The following TLL2 variants were observed in gnomAD, a reference collection of about 807,000 sequenced individuals.
TLL2 encodes the protein tolloid like 2, also known as tolloid-like protein 2.
In TLL2, 106 loss-of-function variants were observed where a neutral mutation model predicts 123.0. That is an observed-to-expected ratio of 0.86 (90% confidence interval 0.74 to 1.01). The LOEUF is 1.01. Ranked by LOEUF, TLL2 falls within the 50% of genes least tolerant of loss-of-function variation. The probability of loss-of-function intolerance (pLI) is 0.00; values close to 1 mark genes in which losing one functional copy is unlikely to be tolerated. For missense variants in TLL2, 1,332 were observed against 1,336.7 expected, an observed-to-expected ratio of 1.00 and a Z score of 0.06; for synonymous variants, 494 against 516.8, an observed-to-expected ratio of 0.96 and a Z score of 0.60.
chr10:96,490,124 A>G (rs1847397095), intron 1 of TLL2, among the ~76,000 whole-genome samples: 1 of 152,082 alleles, frequency 6.6e-6, no homozygotes, highest in Admixed American at 6.6e-5. Context: ...ATTGGAAAAA[A>G]ATTAAAATAA....
At chr10:96,492,540 C>T (rs1411441606) in intron 1 of TLL2, among the ~76,000 whole-genome samples, 1 of 152,178 alleles carries the variant, frequency 6.6e-6, no homozygotes, top group Non-Finnish European at 1.5e-5. Context: ...AGTAAAATTG[C>T]TTGAACCCAG....
chr10:96,497,730 T>C (rs1847491545), intron 1 of TLL2, among the ~76,000 whole-genome samples: 2 of 152,222 alleles, frequency 1.3e-5, no homozygotes, highest in African/African-American at 2.4e-5. Flanking sequence ...TAACCCTGCA[T>C]CTCTAATTGG....
chr10:96,439,876 G>GT (rs1189121246), intron 3 of TLL2, among the ~76,000 whole-genome samples: 3 of 152,030 alleles, frequency 2.0e-5, no homozygotes, highest in East Asian at 3.9e-4. Flanking sequence ...CCCACACTAT[G>GT]TTTTTTTAAA....
At chr10:96,386,368 A>G (rs1846235108) in intron 14 of TLL2, among the ~76,000 whole-genome samples, 153 bp from the exon 15 acceptor site, 1 of 152,248 alleles carries the variant, frequency 6.6e-6, no homozygotes, top group South Asian at 2.1e-4. Flanking sequence ...GTTCAAAACT[A>G]ATGGTTTCAA....
chr10:96,495,024 C>T (rs1466798685), intron 1 of TLL2, among the ~76,000 whole-genome samples: 2 of 152,200 alleles, frequency 1.3e-5, no homozygotes, highest in Admixed American at 6.5e-5. Flanking sequence ...GATTTCACTA[C>T]ATTTTCTTTT....
intron 2 of TLL2, among the ~76,000 whole-genome samples, chr10:96,450,836 T>C (rs568250917): frequency 3.3e-5 from 5 of 151,872 alleles, no homozygotes; most frequent in Non-Finnish European, 5.9e-5. Flanking sequence ...TTGGGTGTGA[T>C]TGCAAGACAA....
At chr10:96,504,592 C>G (rs1313997291) in intron 1 of TLL2, among the ~76,000 whole-genome samples, 1 of 152,076 alleles carries the variant, frequency 6.6e-6, no homozygotes, top group African/African-American at 2.4e-5. Context: ...CAAAAAGTCT[C>G]TGAGTATAGA....
Position 96,366,621 on chromosome 10 carries a change from C to G in TLL2, c.*1467G>C, listed in dbSNP as rs1353388431. 1 of 152,490 alleles carries G rather than the reference C, an allele frequency of 6.6e-6. No homozygotes were observed. Among genetic ancestry groups the G allele is most frequent in the Non-Finnish European group, 1.5e-5 (1 of 68,030 alleles). The allele number at this position is 152,490 out of a possible 1,614,324, so 9.4% of individuals were successfully genotyped here. ...CATTCTGATCTGTAAAAAATATAAC[C>G]TTTCACCTTTTACATATACTTTGTT... On this transcript the variant is annotated 3_prime_UTR_variant, in exon 21 of 21. Coordinates refer to ENST00000357947, the MANE Select transcript of TLL2 (RefSeq NM_012465.4).
intron 20 of TLL2, 23 bp downstream of exon 20, chr10:96,370,042 G>C (rs1225125202): frequency 1.3e-6 from 2 of 1,548,766 alleles, no homozygotes; most frequent in South Asian, 1.2e-5. Context: ...CTCTGCCCCG[G>C]CCCCAGCGTC....
Position 96,513,901 on chromosome 10 carries a change from G to A in TLL2, c.-216C>T. The A allele has an allele frequency of 1.9e-6, 1 of 524,070 alleles. No homozygotes were observed. 32.5% of individuals were successfully genotyped at this position (524,070 alleles called of 1,614,324 possible). A position where few individuals can be genotyped will look rare whatever the true frequency, so the allele number is the denominator to read the frequency against. ...GCCGCTCGGAGCTACTTGCCCGGCG[G>A]CCGAGGCTGCGGCGGCTGCGAGTGT... On this transcript the variant is annotated 5_prime_UTR_variant, in exon 1 of 21. Coordinates refer to ENST00000357947, the MANE Select transcript of TLL2 (RefSeq NM_012465.4).
At chr10:96,507,302 C>A (rs1847588197) in intron 1 of TLL2, among the ~76,000 whole-genome samples, 1 of 152,114 alleles carries the variant, frequency 6.6e-6, no homozygotes, top group Non-Finnish European at 1.5e-5. Flanking sequence ...CTGCCTCCCC[C>A]CAGCTCTGCC....
chr10:96,369,925 C>G (rs1056782246), intron 20 of TLL2, 140 bp downstream of exon 20: 1 of 1,243,438 alleles, frequency 8.0e-7, no homozygotes, highest in African/African-American at 1.5e-5. Flanking sequence ...CTTCCCACTC[C>G]GCTTCTGCAG....
chr10:96,368,601 C>T (rs1447787715), intron 20 of TLL2, among the ~76,000 whole-genome samples: 1 of 152,154 alleles, frequency 6.6e-6, no homozygotes, highest in Non-Finnish European at 1.5e-5. Context: ...CGCAGGTAGG[C>T]GGGACCCAAG....
At chr10:96,401,503 TACACACACACAC>T (rs60660163) in intron 10 of TLL2, among the ~76,000 whole-genome samples, 1 of 147,926 alleles carries the variant, frequency 6.8e-6, no homozygotes, top group African/African-American at 2.5e-5. Context: ...GCTGGCACTC[TACACACACACAC>T]ACACACACAC....
At chr10:96,386,631 T>A (rs1330798110) in intron 14 of TLL2, among the ~76,000 whole-genome samples, 1 of 152,248 alleles carries the variant, frequency 6.6e-6, no homozygotes, top group East Asian at 1.9e-4. Context: ...GTGCTATCGG[T>A]TGAGTCACTG....
intron 2 of TLL2, among the ~76,000 whole-genome samples, chr10:96,470,784 C>A (rs189595473): frequency 6.6e-6 from 1 of 152,324 alleles, no homozygotes; most frequent in South Asian, 2.1e-4. Context: ...CACACCTACA[C>A]GTACTAATAG....
At chr10:96,376,962 G>T in intron 17 of TLL2, 143 bp from the exon 18 acceptor site, 1 of 669,562 alleles carries the variant, frequency 1.5e-6, no homozygotes, top group East Asian at 3.4e-5. Flanking sequence ...TCCTGAATCA[G>T]GTATCTCCTG....
intron 2 of TLL2, among the ~76,000 whole-genome samples, chr10:96,463,149 A>AGAAGG (rs1847096183): frequency 6.6e-6 from 1 of 152,236 alleles, no homozygotes; most frequent in Admixed American, 6.5e-5. Flanking sequence ...TAAAGAAAAC[A>AGAAGG]GAAGGGAGAG....
chr10:96,508,115 G>A (rs755386248), intron 1 of TLL2, among the ~76,000 whole-genome samples: 1 of 152,160 alleles, frequency 6.6e-6, no homozygotes, highest in Non-Finnish European at 1.5e-5. Context: ...CAAGCTTCCA[G>A]GAGGCACCAT....
Sources: gnomAD v4.1 joint callset for allele counts (sites outside exome capture counted in the v4.1 genomes callset) on GRCh38, gnomAD v4.1.1 for gene constraint, MANE v1.5 for transcripts, NCBI Gene and HGNC (gene_info 2026-07-23, HGNC 2026-07-21) for gene names.